ST6GALNAC5: variants seen among roughly 807,000 people sequenced by gnomAD.
ST6GALNAC5 encodes the protein ST6 N-acetylgalactosaminide alpha-2,6-sialyltransferase 5.
A neutral mutation model predicts 33.6 loss-of-function variants in ST6GALNAC5; 27 were observed. The observed-to-expected ratio is 0.80, with a 90% CI of 0.59 to 1.11. ST6GALNAC5 has a LOEUF of 1.11. Ranked by LOEUF, ST6GALNAC5 falls within the 50% of genes least tolerant of loss-of-function variation. The pLI, the probability that ST6GALNAC5 is intolerant of heterozygous loss-of-function variation, is 0.00. For missense variants in ST6GALNAC5, 428 were observed against 454.0 expected (o/e 0.94, Z 0.52); for synonymous variants, 194 against 171.2 (o/e 1.13, Z -1.04).
At chr1:77,016,903 G>T (rs1557762730) in intron 2 of ST6GALNAC5, among the ~76,000 whole-genome samples, 1 of 152,076 alleles carries the variant, frequency 6.6e-6, no homozygotes, top group Non-Finnish European at 1.5e-5. Context: ...TTTGAGAAAT[G>T]ATGTGATAAG....
chr1:76,953,177 A>T (rs1647821615), intron 2 of ST6GALNAC5, among the ~76,000 whole-genome samples: 1 of 152,102 alleles, frequency 6.6e-6, no homozygotes, highest in African/African-American at 2.4e-5. Context: ...TTTTATGCGA[A>T]TATAACTTTT....
chr1:76,984,179 G>T (rs1649381578), intron 2 of ST6GALNAC5, among the ~76,000 whole-genome samples: 1 of 152,136 alleles, frequency 6.6e-6, no homozygotes, highest in Non-Finnish European at 1.5e-5. Flanking sequence ...CACTGAAAGA[G>T]ATAGAGACAC....
chr1:76,983,830 T>C (rs186281564), intron 2 of ST6GALNAC5, among the ~76,000 whole-genome samples: 11 of 152,310 alleles, frequency 7.2e-5, no homozygotes, highest in Non-Finnish European at 1.0e-4. Flanking sequence ...CACACTGCAA[T>C]CAAATTAGAA....
chr1:76,971,652 TA>T (rs1299305912), intron 2 of ST6GALNAC5, among the ~76,000 whole-genome samples: 3 of 152,304 alleles, frequency 2.0e-5, no homozygotes, highest in Admixed American at 6.5e-5. Flanking sequence ...TATGAGTTTA[TA>T]AATCATATAC....
intron 2 of ST6GALNAC5, among the ~76,000 whole-genome samples, chr1:77,006,677 G>C (rs1650432365): frequency 6.6e-6 from 1 of 152,136 alleles, no homozygotes; most frequent in East Asian, 1.9e-4. Flanking sequence ...GATAATTTGA[G>C]AAACATTTAT....
chr1:76,880,577 G>A (rs1445088520), intron 2 of ST6GALNAC5, among the ~76,000 whole-genome samples: 1 of 152,128 alleles, frequency 6.6e-6, no homozygotes, highest in African/African-American at 2.4e-5. Context: ...TGAAGAACTT[G>A]GAGTCCAGTG....
intron 2 of ST6GALNAC5, among the ~76,000 whole-genome samples, chr1:76,875,875 G>A (rs570390835): frequency 9.2e-5 from 14 of 152,102 alleles, no homozygotes; most frequent in South Asian, 2.1e-4. Context: ...TTGTGACTTC[G>A]AAAGGCCAGT....
At chr1:76,935,887 A>G (rs1379420472) in intron 2 of ST6GALNAC5, among the ~76,000 whole-genome samples, 3 of 152,032 alleles carry the variant, frequency 2.0e-5, no homozygotes, top group East Asian at 1.9e-4. Flanking sequence ...TTCTACTTCC[A>G]TGAGCTTACA....
chr1:77,022,083 C>T (rs1651073702), intron 2 of ST6GALNAC5, among the ~76,000 whole-genome samples: 1 of 152,118 alleles, frequency 6.6e-6, no homozygotes, highest in African/African-American at 2.4e-5. Context: ...TTCCTAGAAG[C>T]CCAGCATGAA....
At chr1:76,994,674 G>T (rs1431073963) in intron 2 of ST6GALNAC5, among the ~76,000 whole-genome samples, 1 of 151,892 alleles carries the variant, frequency 6.6e-6, no homozygotes, top group African/African-American at 2.4e-5. Context: ...CCAACAGAAG[G>T]GGATTCAGGA....
intron 2 of ST6GALNAC5, among the ~76,000 whole-genome samples, chr1:76,997,991 TA>T (rs1271787476): frequency 4.6e-5 from 7 of 152,326 alleles, no homozygotes; most frequent in African/African-American, 1.7e-4. Context: ...GATGGTTTTA[TA>T]AGGGGCTTCC....
chr1:76,893,443 G>T (rs1654055161), intron 2 of ST6GALNAC5, among the ~76,000 whole-genome samples: 1 of 152,156 alleles, frequency 6.6e-6, no homozygotes, highest in South Asian at 2.1e-4. Flanking sequence ...TTTGCCATTT[G>T]CTGGCAGTGA....
At chr1:76,985,495 A>G (rs888765070) in intron 2 of ST6GALNAC5, among the ~76,000 whole-genome samples, 1 of 152,126 alleles carries the variant, frequency 6.6e-6, no homozygotes, top group African/African-American at 2.4e-5. Flanking sequence ...AAACCACTGT[A>G]CAACGAAAGA....
intron 2 of ST6GALNAC5, among the ~76,000 whole-genome samples, chr1:76,961,745 G>C (rs1189412202): frequency 2.0e-5 from 3 of 152,146 alleles, no homozygotes; most frequent in Admixed American, 6.6e-5. Context: ...TCTTCAGAAA[G>C]TCTTCCTTGA....
In ST6GALNAC5 at chr1:77,033,210, C is replaced by G. The variant is rs141085982; in HGVS notation, c.262-10994C>G. Among the ~76,000 whole-genome samples, 6 of 152,230 alleles carry G rather than the reference C, an allele frequency of 3.9e-5. No individual in the cohort carries two copies. The South Asian group carries it at 1.2e-3, about 32-fold the overall frequency. On this transcript the variant is annotated intron_variant, in intron 2 of 4. Transcript: ENST00000477717. ...TCCCACTGACAACTCATCCATGCCC[C>G]CTTTGGACAGAGAAAAATCATCTAC...
At chr1:76,988,518 C>T (rs1021159781) in intron 2 of ST6GALNAC5, among the ~76,000 whole-genome samples, 1 of 151,838 alleles carries the variant, frequency 6.6e-6, no homozygotes, top group Non-Finnish European at 1.5e-5. Context: ...TATATTTCTT[C>T]CTTTTCTCTC....
At chr1:77,029,477 G>C (rs1651370327) in intron 2 of ST6GALNAC5, among the ~76,000 whole-genome samples, 1 of 152,190 alleles carries the variant, frequency 6.6e-6, no homozygotes, top group South Asian at 2.1e-4. Flanking sequence ...GTGTCAGAAA[G>C]GGAAAGAGAG....
At chr1:76,867,898 G>A (rs1011612321) in intron 1 of ST6GALNAC5, among the ~76,000 whole-genome samples, 3 of 152,110 alleles carry the variant, frequency 2.0e-5, no homozygotes, top group African/African-American at 7.2e-5. Context: ...GGGAACTCGG[G>A]GTTGCCTCGC....
At chr1:76,976,842 A>G (rs1649031489) in intron 2 of ST6GALNAC5, among the ~76,000 whole-genome samples, 1 of 151,922 alleles carries the variant, frequency 6.6e-6, no homozygotes, top group Non-Finnish European at 1.5e-5. Context: ...TTTTTTAAGA[A>G]CCAACATTAG....
Sources: allele counts gnomAD v4.1 joint callset (sites outside exome capture counted in the v4.1 genomes callset), GRCh38; gene constraint gnomAD v4.1.1; transcripts MANE v1.5; gene names NCBI Gene and HGNC (gene_info 2026-07-23, HGNC 2026-07-21).